CPA4: variants seen among roughly 807,000 people sequenced by gnomAD.
CPA4 encodes the protein carboxypeptidase A3.
A neutral mutation model predicts 54.7 loss-of-function variants in CPA4; 49 were observed. The ratio of observed to expected loss-of-function variants is 0.90; its 90% CI spans 0.71 to 1.14. The LOEUF is 1.14. Among genes scored for constraint, CPA4 ranks in the 50% most tolerant of loss-of-function variants. The probability of loss-of-function intolerance (pLI) is 0.00; values close to 1 mark genes in which losing one functional copy is unlikely to be tolerated. For missense variants in CPA4, 487 were observed against 525.1 expected, an observed-to-expected ratio of 0.93 and a Z score of 0.71; for synonymous variants, 215 against 206.8, an observed-to-expected ratio of 1.04 and a Z score of -0.34.
At chr7:130,319,449 G>A (rs1794050449) in intron 10 of CPA4, among the ~76,000 whole-genome samples, 1 of 152,148 alleles carries the variant, frequency 6.6e-6, no homozygotes, top group African/African-American at 2.4e-5. Flanking sequence ...AGGGGCCAAG[G>A]GAAAACTTCC....
intron 7 of CPA4, 77 bp downstream of exon 7, chr7:130,306,974 G>T: frequency 1.1e-5 from 9 of 827,978 alleles, no homozygotes; most frequent in South Asian, 4.1e-5. Context: ...ATCTTGGAGA[G>T]AATTTCCACA....
Position 130,306,112 on chromosome 7 carries a change from G to A in CPA4, c.591+192G>A, listed in dbSNP as rs77023166. On this transcript the variant is annotated intron_variant, in intron 6 of 10. Transcript: ENST00000222482. ...AGCTCACTGCGGCCAAATTGATTGC[G>A]TTCCTGGTGGTGCACAAGCTGATAT... 3,684 of 595,716 alleles carry A rather than the reference G, an allele frequency of 6.2e-3. 116 individuals carry two copies. In the African/African-American group the frequency reaches 0.062, roughly 10 times the overall value. 36.9% of individuals were successfully genotyped at this position (595,716 alleles called of 1,614,324 possible).
At chr7:130,303,959 A>C (rs1392990048) in intron 4 of CPA4, among the ~76,000 whole-genome samples, 1 of 151,622 alleles carries the variant, frequency 6.6e-6, no homozygotes, top group Non-Finnish European at 1.5e-5. Flanking sequence ...ATTTTATTTT[A>C]TTATTACTAT....
At chr7:130,302,733 C>G (rs1793757934) in intron 4 of CPA4, among the ~76,000 whole-genome samples, 1 of 152,184 alleles carries the variant, frequency 6.6e-6, no homozygotes, top group Admixed American at 6.5e-5. Flanking sequence ...TGCTTTTCCT[C>G]CACTCCCTAG....
intron 10 of CPA4, among the ~76,000 whole-genome samples, chr7:130,313,607 T>C (rs896111610): frequency 2.0e-5 from 3 of 152,194 alleles, no homozygotes. Context: ...GTTAAAGACG[T>C]GGCCAATCTG....
At chr7:130,296,645 T>C (rs1218063579) in intron 1 of CPA4, among the ~76,000 whole-genome samples, 1 of 147,450 alleles carries the variant, frequency 6.8e-6, no homozygotes, top group Non-Finnish European at 1.5e-5. Flanking sequence ...AATAAATATG[T>C]CACCACACAA....
At chr7:130,308,068 C>G in intron 7 of CPA4, 1 of 542,214 alleles carries the variant, frequency 1.8e-6, no homozygotes. Context: ...CTGACTGGTT[C>G]TAGCATATAA....
At chr7:130,306,131 C>G in intron 6 of CPA4, 1 of 585,706 alleles carries the variant, frequency 1.7e-6, no homozygotes, top group East Asian at 2.9e-5. Flanking sequence ...GGTGCACAAG[C>G]TGATATGCAG....
chr7:130,305,999 G>A, intron 6 of CPA4, 79 bp downstream of exon 6: 1 of 1,201,196 alleles, frequency 8.3e-7, no homozygotes, highest in South Asian at 1.2e-5. Flanking sequence ...TGGGCCTGGG[G>A]CACGAGGTGG....
intron 10 of CPA4, among the ~76,000 whole-genome samples, chr7:130,321,706 A>G (rs561424205): frequency 1.1e-4 from 17 of 152,314 alleles, no homozygotes; most frequent in Non-Finnish European, 2.2e-4. Flanking sequence ...GCAAATGAGA[A>G]CTAAGCAAAA....
chr7:130,312,271 T>G, intron 10 of CPA4, 149 bp downstream of exon 10: 1 of 625,924 alleles, frequency 1.6e-6, no homozygotes. Flanking sequence ...GCCTGTGTGG[T>G]GACAGCTGTT....
At chr7:130,294,395 G>C (rs562415449) in intron 1 of CPA4, among the ~76,000 whole-genome samples, 1 of 152,306 alleles carries the variant, frequency 6.6e-6, no homozygotes, top group South Asian at 2.1e-4. Context: ...GATGACTTCT[G>C]TTCACACCTG....
intron 5 of CPA4, 43 bp downstream of exon 5, chr7:130,304,622 C>A: frequency 8.7e-7 from 1 of 1,148,458 alleles, no homozygotes; most frequent in Non-Finnish European, 1.3e-6. Flanking sequence ...GGTCCTCATG[C>A]CCAGGACCCA....
chr7:130,313,195 AGTC>A lies in CPA4; in HGVS notation c.1078+1074_1078+1076del, dbSNP rs1793939307. On this transcript the variant is annotated intron_variant, in intron 10 of 10. Transcript: ENST00000222482. ...CTGTCTGTAGATGTTTTTGGGTAGT[AGTC>A]TGTGAGATGGGCAGGATTCTGTCAG... Among the ~76,000 whole-genome samples, 5 of 152,242 alleles carry A rather than the reference AGTC, an allele frequency of 3.3e-5. No homozygotes were observed. In the South Asian group the frequency reaches 8.3e-4, roughly 25 times the overall value.
At chr7:130,304,233 C>T (rs1195994948) in intron 4 of CPA4, among the ~76,000 whole-genome samples, 1 of 152,146 alleles carries the variant, frequency 6.6e-6, no homozygotes, top group Non-Finnish European at 1.5e-5. Flanking sequence ...ATTGCAAAAG[C>T]CTCTCTACTC....
chr7:130,323,937 T>TGTGTTTG lies in CPA4; in HGVS notation c.*1261_*1262insGTGTTTG, dbSNP rs1397563337. The TGTGTTTG allele has an allele frequency of 1.0e-5, 1 of 98,098 alleles. No homozygotes were observed. Among genetic ancestry groups the TGTGTTTG allele is most frequent in the Non-Finnish European group, 2.2e-5 (1 of 44,542 alleles). The allele number at this position is 98,098 out of a possible 1,614,324, so 6.1% of individuals were successfully genotyped here. ...TGTGTGTGTGTGTGTGTGTGTGTGT[T>TGTGTTTG]TGTGTGTGTGTGTCTGTCTATTTTG... is the stretch of plus-strand genomic sequence containing the variant. On this transcript the variant is annotated 3_prime_UTR_variant, in exon 11 of 11. Coordinates refer to ENST00000222482, the MANE Select transcript of CPA4 (RefSeq NM_016352.4).
intron 10 of CPA4, among the ~76,000 whole-genome samples, chr7:130,318,327 T>C (rs3800775): frequency 0.63 from 96,116 of 152,010 alleles, 30,422 homozygotes; most frequent in Admixed American, 0.69. Flanking sequence ...CTGCCAAAAC[T>C]GGGAGATACT....
chr7:130,316,129 C>G (rs1208721451), intron 10 of CPA4, among the ~76,000 whole-genome samples: 1 of 152,082 alleles, frequency 6.6e-6, no homozygotes, highest in Non-Finnish European at 1.5e-5. Flanking sequence ...TTGGTTGAGA[C>G]GTGTTTTGCT....
At chr7:130,316,675 C>T (rs1040619360) in intron 10 of CPA4, among the ~76,000 whole-genome samples, 1 of 152,104 alleles carries the variant, frequency 6.6e-6, no homozygotes, top group African/African-American at 2.4e-5. Context: ...CGTTGGCTCA[C>T]GCCTGTAATC....
Sources: gnomAD v4.1 joint callset for allele counts (sites outside exome capture counted in the v4.1 genomes callset) on GRCh38, gnomAD v4.1.1 for gene constraint, MANE v1.5 for transcripts, NCBI Gene and HGNC (gene_info 2026-07-23, HGNC 2026-07-21) for gene names.